Variants in SORCS3 observed in about 807,000 individuals in gnomAD.
SORCS3 encodes VPS10 domain-containing receptor SorCS3.
A neutral mutation model predicts 146.3 loss-of-function variants in SORCS3; 57 were observed. That is an observed-to-expected ratio of 0.39 (90% CI 0.31 to 0.49). The LOEUF (loss-of-function observed/expected upper bound fraction) is 0.49. SORCS3 is among the 20% of genes least tolerant of loss of function. SORCS3 has a pLI of 0.92. For missense variants in SORCS3, 1,341 were observed against 1,575.5 expected (o/e 0.85, Z 2.52); for synonymous variants, 653 against 618.5 (o/e 1.06, Z -0.83).
intron 4 of SORCS3, among the ~76,000 whole-genome samples, chr10:104,979,822 G>A (rs148319168): frequency 6.6e-6 from 1 of 152,262 alleles, no homozygotes; most frequent in African/African-American, 2.4e-5. Flanking sequence ...GCTTAGTATA[G>A]CCAGAAATTT....
intron 18 of SORCS3, 22 bp from the exon 19 acceptor site, chr10:105,216,910 GACCC>G: frequency 1.2e-6 from 2 of 1,613,152 alleles, no homozygotes; most frequent in Non-Finnish European, 8.5e-7. Flanking sequence ...CAAGTAAATT[GACCC>G]GTCTGCTATG....
At chr10:104,979,583 G>A (rs2054921260) in intron 4 of SORCS3, among the ~76,000 whole-genome samples, 1 of 151,956 alleles carries the variant, frequency 6.6e-6, no homozygotes, top group Non-Finnish European at 1.5e-5. Flanking sequence ...GTGTGTGTGT[G>A]CATGCGATCA....
intron 8 of SORCS3, among the ~76,000 whole-genome samples, chr10:105,139,691 C>A (rs1008809723): frequency 2.0e-5 from 3 of 152,132 alleles, no homozygotes; most frequent in Admixed American, 2.0e-4. Context: ...CAGCCAAGAG[C>A]TTTGATTTCC....
chr10:105,039,314 A>G (rs1444741952), intron 4 of SORCS3, among the ~76,000 whole-genome samples: 1 of 152,214 alleles, frequency 6.6e-6, no homozygotes, highest in Non-Finnish European at 1.5e-5. Context: ...CATCTCAATC[A>G]GCCTCCAGGA....
intron 19 of SORCS3, among the ~76,000 whole-genome samples, chr10:105,219,486 A>G (rs1344933578): frequency 1.3e-5 from 2 of 152,176 alleles, no homozygotes; most frequent in Admixed American, 1.3e-4. Context: ...TACTGTTTTC[A>G]AGAACAGTTT....
chr10:105,208,814 C>CT (rs1205865653), intron 16 of SORCS3, among the ~76,000 whole-genome samples: 2 of 152,092 alleles, frequency 1.3e-5, no homozygotes, highest in African/African-American at 4.8e-5. Flanking sequence ...CTCTCATGGG[C>CT]TACTACAAGC....
chr10:105,098,488 G>A (rs927749029), intron 6 of SORCS3, among the ~76,000 whole-genome samples: 34 of 151,654 alleles, frequency 2.2e-4, no homozygotes, highest in African/African-American at 7.0e-4. Flanking sequence ...ACCTAGCCCA[G>A]TTTCCTTTCC....
chr10:104,740,130 G>T (rs114486196), intron 1 of SORCS3, among the ~76,000 whole-genome samples: 1 of 152,124 alleles, frequency 6.6e-6, no homozygotes. Flanking sequence ...TTTGCAGTGC[G>T]TACTAACAAA....
chr10:105,086,312 C>T (rs866486491), intron 5 of SORCS3, among the ~76,000 whole-genome samples: 4 of 152,260 alleles, frequency 2.6e-5, no homozygotes, highest in Middle Eastern at 3.4e-3. Context: ...ACTGAGCAGA[C>T]CCAAACCACA....
intron 1 of SORCS3, among the ~76,000 whole-genome samples, chr10:104,676,161 G>A (rs1393803635): frequency 2.6e-5 from 4 of 151,982 alleles, no homozygotes; most frequent in African/African-American, 7.3e-5. Flanking sequence ...GAACAAAGGT[G>A]TTTTGTGTCT....
chr10:104,916,797 T>C (rs1170489963), intron 3 of SORCS3, among the ~76,000 whole-genome samples: 2 of 152,214 alleles, frequency 1.3e-5, no homozygotes, highest in African/African-American at 4.8e-5. Context: ...AGCTCTCCTC[T>C]TGCAATCTGA....
At chr10:105,041,733 G>A (rs886350648) in intron 4 of SORCS3, among the ~76,000 whole-genome samples, 2 of 152,062 alleles carry the variant, frequency 1.3e-5, no homozygotes, top group East Asian at 1.9e-4. Context: ...TCCAGATGGC[G>A]AAGTTATCCA....
At chr10:104,880,641 T>C (rs1388186950) in intron 2 of SORCS3, among the ~76,000 whole-genome samples, 1 of 151,986 alleles carries the variant, frequency 6.6e-6, no homozygotes, top group Non-Finnish European at 1.5e-5. Context: ...TGCCAATGCC[T>C]CCAGCAGGCC....
chr10:105,193,067 A>G (rs2056525522), intron 14 of SORCS3, among the ~76,000 whole-genome samples: 1 of 152,142 alleles, frequency 6.6e-6, no homozygotes, highest in African/African-American at 2.4e-5. Flanking sequence ...AATTCTAATG[A>G]GGTCTTTTAT....
At chr10:104,651,550 A>AC (rs1171518881) in intron 1 of SORCS3, among the ~76,000 whole-genome samples, 6 of 150,934 alleles carry the variant, frequency 4.0e-5, no homozygotes, top group Non-Finnish European at 8.9e-5. Context: ...AAAAAAAAAA[A>AC]AAAACACAAA....
chr10:104,989,546 G>A (rs73351639), intron 4 of SORCS3, among the ~76,000 whole-genome samples: 8,128 of 152,214 alleles, frequency 0.053, 251 homozygotes, highest in Middle Eastern at 0.082. Context: ...ATCAAGGGAG[G>A]AAGTAGTAGG....
intron 9 of SORCS3, among the ~76,000 whole-genome samples, chr10:105,150,745 G>A (rs899352899): frequency 6.6e-6 from 1 of 152,146 alleles, no homozygotes; most frequent in African/African-American, 2.4e-5. Flanking sequence ...TGACCATACT[G>A]AAGATTTTTA....
intron 14 of SORCS3, among the ~76,000 whole-genome samples, chr10:105,181,084 T>A (rs1261169922): frequency 1.3e-5 from 2 of 152,100 alleles, no homozygotes; most frequent in Admixed American, 1.3e-4. Flanking sequence ...TGAGGGAGGA[T>A]CTTTGTGTAT....
chr10:105,211,911 A>T (rs768918949), intron 17 of SORCS3, among the ~76,000 whole-genome samples: 1 of 152,110 alleles, frequency 6.6e-6, no homozygotes, highest in Non-Finnish European at 1.5e-5. Flanking sequence ...TCATCTGGGG[A>T]TCTTTTTAAA....
Sources: allele counts gnomAD v4.1 joint callset (sites outside exome capture counted in the v4.1 genomes callset), GRCh38; gene constraint gnomAD v4.1.1; transcripts MANE v1.5; gene names NCBI Gene and HGNC (gene_info 2026-07-23, HGNC 2026-07-21).